MYH13: variants seen among roughly 807,000 people sequenced by gnomAD.
The protein encoded by MYH13 is myosin-13.
MYH13 carries 177 observed loss-of-function variants against 232.1 expected under a neutral mutation model. That is an observed-to-expected ratio of 0.76 (90% confidence interval 0.67 to 0.86). The LOEUF (loss-of-function observed/expected upper bound fraction) is 0.86, where lower values mean the gene tolerates loss of function less well. Among genes scored for constraint, MYH13 ranks in the 40% least tolerant of loss-of-function variants. The probability of loss-of-function intolerance (pLI) is 0.00; values close to 1 mark genes in which losing one functional copy is unlikely to be tolerated. For missense variants in MYH13, 2,246 were observed against 2,405.9 expected (o/e 0.93, Z 1.39); for synonymous variants, 884 against 923.5 (o/e 0.96, Z 0.78).
chr17:10,366,312 A>T (rs573959389), intron 2 of MYH13, among the ~76,000 whole-genome samples: 1 of 151,302 alleles, frequency 6.6e-6, no homozygotes, highest in East Asian at 1.9e-4. Context: ...CATAAAATGG[A>T]GTCAAGTCAT....
At chr17:10,350,185 C>A (rs773159903) in intron 12 of MYH13, among the ~76,000 whole-genome samples, 5 of 152,110 alleles carry the variant, frequency 3.3e-5, no homozygotes, top group Non-Finnish European at 7.3e-5. Flanking sequence ...CCAAAGGCCT[C>A]ATTTTAGGCC....
Position 10,313,312 on chromosome 17 carries a change from CGT to C in MYH13, c.4025_4026del (p.His1342ArgfsTer3), listed in dbSNP as rs777416754. 6.2e-7 allele frequency: 1 copy of C among 1,614,246 alleles called. No individual in the cohort carries two copies. Among genetic ancestry groups the C allele is most frequent in the Non-Finnish European group, 8.5e-7 (1 of 1,180,042 alleles). ...AMAHALQSSR[H>X]DCDLLREQYE... ...TACTGTTCCCGCAGCAGGTCACAGT[CGT>C]GGCGGGAGGACTGCAGGGCGTGCGC... On this transcript the variant is annotated frameshift_variant, in exon 30 of 41. Coordinates refer to ENST00000252172, the MANE Select transcript of MYH13 (RefSeq NM_003802.3). LOFTEE classifies it high-confidence loss of function.
intron 12 of MYH13, among the ~76,000 whole-genome samples, chr17:10,349,074 CCTTCT>C (rs201133201): frequency 0.017 from 2,549 of 146,288 alleles, 51 homozygotes; most frequent in East Asian, 0.043. Flanking sequence ...CCTTCCCTTC[CCTTCT>C]CCCCCTCTCT....
At chr17:10,323,352 T>G (rs1907048087) in intron 23 of MYH13, among the ~76,000 whole-genome samples, 2 of 152,214 alleles carry the variant, frequency 1.3e-5, no homozygotes. Flanking sequence ...GCCTGACCCC[T>G]GTAGGCCTTC....
rs372974637 is a variant in MYH13, at chr17:10,354,634, A to G, written c.1005+46T>C. ...CACTAACGTGTCTCTCAGTTCATAA[A>G]CTCAATAATTCTGTGCATAAACAGA... On this transcript the variant is annotated intron_variant, in intron 11 of 40. Coordinates refer to ENST00000252172, the MANE Select transcript of MYH13 (RefSeq NM_003802.3). The G allele has an allele frequency of 8.1e-5, 125 of 1,544,764 alleles. No homozygotes were observed. The African/African-American group carries it at 1.6e-3, about 20-fold the overall frequency.
intron 16 of MYH13, 71 bp from the exon 17 acceptor site, chr17:10,340,472 T>C (rs3760424): frequency 0.81 from 975,217 of 1,209,592 alleles, 395,145 homozygotes; most frequent in East Asian, 0.87. Flanking sequence ...CTGAACCACC[T>C]GTTCCCAGCC....
At position 10,311,999 on chromosome 17, in the gene MYH13, G is replaced by A; in HGVS notation, c.4443C>T (p.Leu1481=). ...LEAAQKESRS[L]STELFKMRNA... Reference sequence around the variant, plus strand: ...TCCTCATCTTGAAGAGTTCAGTGCTGAGTGACCTGGACTCCTTCTGAGCAG... The same window carrying A: ...TCCTCATCTTGAAGAGTTCAGTGCTAAGTGACCTGGACTCCTTCTGAGCAG... The change falls in exon 32 of 41, where the codon CTC becomes CTT. Residue 1481 remains leucine, a synonymous_variant. Coordinates refer to ENST00000252172, the MANE Select transcript of MYH13 (RefSeq NM_003802.3). 1 of 1,614,000 alleles carries A rather than the reference G, an allele frequency of 6.2e-7. No homozygotes were observed. The highest frequency in any genetic ancestry group is 1.3e-5 in the African/African-American group (1 of 75,038).
At position 10,332,099 on chromosome 17, in the gene MYH13, C is replaced by T. The variant is rs1317143331; in HGVS notation, c.2298G>A (p.Lys766=). 1.2e-6 allele frequency: 2 copies of T among 1,613,722 alleles called. No individual in the cohort carries two copies. The highest frequency in any genetic ancestry group is 1.7e-4 in the Middle Eastern group (1 of 6,004). Residue 766 remains lysine (K), a splice_region_variant and synonymous_variant, in exon 20 of 41, where the codon AAG becomes AAA. Transcript: ENST00000252172. ...GAGTCCCAGCCTTGCCTGTGCTCACCTTGGTGTTGCCGAACCTGAACTGCT... is the reference window on the plus strand; with the variant it reads ...GAGTCCCAGCCTTGCCTGTGCTCACTTTGGTGTTGCCGAACCTGAACTGCT... ...DREQFRFGNT[K]VFFKAGLLGL...
At position 10,333,201 on chromosome 17, in the gene MYH13, G is replaced by T; in HGVS notation, c.2057-10C>A. The T allele has an allele frequency of 6.5e-7, 1 of 1,527,500 alleles. No homozygotes were observed. Among genetic ancestry groups the T allele is most frequent in the Non-Finnish European group, 8.9e-7 (1 of 1,125,178 alleles). 94.6% of individuals were successfully genotyped at this position (1,527,500 alleles called of 1,614,324 possible). A position where few individuals can be genotyped will look rare whatever the true frequency, so the allele number is the denominator to read the frequency against. On this transcript the variant is annotated splice_polypyrimidine_tract_variant and intron_variant, in intron 18 of 40. Coordinates refer to ENST00000252172, the MANE Select transcript of MYH13 (RefSeq NM_003802.3). Reference sequence around the variant, plus strand: ...TAGTGGTCCATCACACCTGGAGAGAGAACGTCCCGGGGGTGTGCCTGTGAC... The same window carrying T: ...TAGTGGTCCATCACACCTGGAGAGATAACGTCCCGGGGGTGTGCCTGTGAC...
intron 29 of MYH13, among the ~76,000 whole-genome samples, chr17:10,314,190 T>C (rs1906622123): frequency 1.3e-5 from 2 of 152,158 alleles, no homozygotes; most frequent in African/African-American, 4.8e-5. Flanking sequence ...GAGGCCGAGA[T>C]GGGCGGATCA....
chr17:10,368,421 T>C (rs530869920), intron 2 of MYH13, among the ~76,000 whole-genome samples: 3 of 152,364 alleles, frequency 2.0e-5, no homozygotes, highest in Admixed American at 2.0e-4. Flanking sequence ...TGGTGCTTTA[T>C]GAATAAAATG....
chr17:10,365,201 C>T (rs1179695601), intron 2 of MYH13, among the ~76,000 whole-genome samples: 1 of 152,176 alleles, frequency 6.6e-6, no homozygotes, highest in Non-Finnish European at 1.5e-5. Context: ...AATCGCTCAT[C>T]GTGTTTGAGC....
At chr17:10,354,628 T>G in intron 11 of MYH13, 52 bp downstream of exon 11, 3 of 1,524,486 alleles carry the variant, frequency 2.0e-6, no homozygotes, top group Non-Finnish European at 9.1e-7. Context: ...GTCTCTCAGT[T>G]CATAAACTCA....
Position 10,364,423 on chromosome 17 carries a change from T to G in MYH13, c.108A>C (p.Lys36Asn). ...EAQNRPFDSK[K>N]ACFVADNKEM... is the part of the protein sequence containing the mutation. Reference sequence around the variant, plus strand: ...CCTTATTATCCGCTACAAAGCAGGCTTTCTTGGAATCGAATGGACGATTTT... The same window carrying G: ...CCTTATTATCCGCTACAAAGCAGGCGTTCTTGGAATCGAATGGACGATTTT... Residue 36 changes from lysine to asparagine, a missense_variant, in exon 3 of 41, where the codon AAA becomes AAC. Coordinates refer to ENST00000252172, the MANE Select transcript of MYH13 (RefSeq NM_003802.3). The G allele has an allele frequency of 1.2e-6, 2 of 1,613,772 alleles. No individual in the cohort carries two copies. The highest frequency in any genetic ancestry group is 8.5e-7 in the Non-Finnish European group (1 of 1,179,796).
chr17:10,331,452 T>C (rs1175307795), intron 20 of MYH13, among the ~76,000 whole-genome samples: 1 of 152,202 alleles, frequency 6.6e-6, no homozygotes, highest in African/African-American at 2.4e-5. Flanking sequence ...AAGAACCTGA[T>C]GAGTAAGTGC....
At chr17:10,369,918 A>T (rs1045856937) in intron 2 of MYH13, among the ~76,000 whole-genome samples, 1 of 152,212 alleles carries the variant, frequency 6.6e-6, no homozygotes, top group African/African-American at 2.4e-5. Context: ...CAGCAGAAAG[A>T]GTTCAAACCT....
intron 39 of MYH13, 84 bp downstream of exon 39, chr17:10,303,112 T>C: frequency 8.0e-7 from 1 of 1,251,588 alleles, no homozygotes; most frequent in Non-Finnish European, 1.2e-6. Context: ...CTCAGGGGAC[T>C]TTACCAACCA....
chr17:10,313,457 C>T, intron 29 of MYH13, 103 bp from the exon 30 acceptor site: 1 of 1,538,486 alleles, frequency 6.5e-7, no homozygotes, highest in Non-Finnish European at 8.8e-7. Context: ...TATCCCTATG[C>T]TGTCTTCACC....
In MYH13 at chr17:10,356,852, G is replaced by C. The variant is rs553520848; in HGVS notation, c.738+883C>G. Among the ~76,000 whole-genome samples, 302 of 152,342 alleles carry C rather than the reference G, an allele frequency of 2.0e-3. 1 individual carries two copies. Among genetic ancestry groups the C allele is most frequent in the African/African-American group, 6.6e-3 (273 of 41,576 alleles). ...TGAAATGAAATAGAGGGCTGGATGTGTGTTTATTTCCGATGGGAAGTAAAT... is the reference window on the plus strand; with the variant it reads ...TGAAATGAAATAGAGGGCTGGATGTCTGTTTATTTCCGATGGGAAGTAAAT... On this transcript the variant is annotated intron_variant, in intron 8 of 40. Transcript: ENST00000252172.
Sources: allele counts gnomAD v4.1 joint callset (sites outside exome capture counted in the v4.1 genomes callset), GRCh38; gene constraint gnomAD v4.1.1; transcripts MANE v1.5; gene names NCBI Gene and HGNC (gene_info 2026-07-23, HGNC 2026-07-21).